Variants in GALNT13 observed in about 807,000 individuals in gnomAD.
The protein encoded by GALNT13 is UDP-GalNAc:polypeptide N-acetylgalactosaminyltransferase 13.
Under a neutral mutation model 64.2 loss-of-function variants are expected in GALNT13, and 28 were observed. The observed-to-expected ratio is 0.44, with a 90% CI of 0.32 to 0.60. The LOEUF (loss-of-function observed/expected upper bound fraction) is 0.60. Among genes scored for constraint, GALNT13 ranks in the 20% least tolerant of loss-of-function variants. The pLI is 0.05. For synonymous variants in GALNT13, 214 were observed against 224.6 expected, an observed-to-expected ratio of 0.95 and a Z score of 0.42; for missense variants, 577 against 669.8, an observed-to-expected ratio of 0.86 and a Z score of 1.53.
chr2:153,446,515 A>G, the GALNT13 span, among the ~76,000 whole-genome samples: 150 of 152,302 alleles, frequency 9.8e-4, 4 homozygotes, highest in East Asian at 0.026. Context: ...TACACTCTTA[A>G]CTACTGAAGT....
the GALNT13 span, among the ~76,000 whole-genome samples, chr2:153,534,575 A>G: frequency 7.1e-6 from 1 of 140,088 alleles, no homozygotes; most frequent in East Asian, 2.1e-4. Context: ...ACCTGGGTGC[A>G]GGCGGGCCAA....
chr2:153,794,761 C>T, the GALNT13 span, among the ~76,000 whole-genome samples: 1 of 152,162 alleles, frequency 6.6e-6, no homozygotes, highest in Non-Finnish European at 1.5e-5. Context: ...CATCGTGATC[C>T]ACCCGCCTTG....
the GALNT13 span, among the ~76,000 whole-genome samples, chr2:153,523,041 C>CTGTTTTTTTTTTTTTT: frequency 1.3e-5 from 1 of 74,770 alleles, no homozygotes; most frequent in African/African-American, 7.6e-5. Context: ...TCTGTGTTTA[C>CTGTTTTTTTTTTTTTT]TATTTTTTTT....
At chr2:153,185,494 A>G in the GALNT13 span, among the ~76,000 whole-genome samples, 1 of 152,028 alleles carries the variant, frequency 6.6e-6, no homozygotes, top group Non-Finnish European at 1.5e-5. Flanking sequence ...CTTGTCCTCT[A>G]CTAGCTTTGG....
intron 7 of GALNT13, among the ~76,000 whole-genome samples, chr2:154,258,727 C>T (rs376205665): frequency 6.6e-6 from 1 of 151,546 alleles, no homozygotes; most frequent in Non-Finnish European, 1.5e-5. Context: ...AACCTCTCTT[C>T]GCTATGATTT....
At chr2:153,498,709 C>A in the GALNT13 span, among the ~76,000 whole-genome samples, 1 of 152,212 alleles carries the variant, frequency 6.6e-6, no homozygotes, top group Non-Finnish European at 1.5e-5. Flanking sequence ...TCGGGGAACC[C>A]CTAGGTCTGC....
the GALNT13 span, among the ~76,000 whole-genome samples, chr2:153,799,316 T>G: frequency 6.6e-6 from 1 of 152,152 alleles, no homozygotes; most frequent in Non-Finnish European, 1.5e-5. Flanking sequence ...AGATCAGGGA[T>G]TCTTGGAACT....
the GALNT13 span, among the ~76,000 whole-genome samples, chr2:153,089,468 G>A: frequency 2.0e-5 from 3 of 152,042 alleles, no homozygotes; most frequent in Non-Finnish European, 4.4e-5. Context: ...AGATCTTTTT[G>A]TGATGAATTT....
At chr2:154,432,435 G>A (rs1194694960) in intron 11 of GALNT13, among the ~76,000 whole-genome samples, 1 of 152,160 alleles carries the variant, frequency 6.6e-6, no homozygotes, top group Non-Finnish European at 1.5e-5. Flanking sequence ...ACCAGCATGA[G>A]GAGGAAAAGG....
At chr2:154,048,461 T>G (rs1438891339) in intron 3 of GALNT13, among the ~76,000 whole-genome samples, 5 of 152,226 alleles carry the variant, frequency 3.3e-5, no homozygotes, top group African/African-American at 1.2e-4. Context: ...ATCTAAAATC[T>G]GCTTCTTACA....
the GALNT13 span, among the ~76,000 whole-genome samples, chr2:153,117,888 C>T: frequency 6.6e-6 from 1 of 152,060 alleles, no homozygotes; most frequent in East Asian, 1.9e-4. Flanking sequence ...CTTAAGCAGT[C>T]CCTCTGCCGT....
At chr2:154,310,448 A>T (rs895374105) in intron 9 of GALNT13, among the ~76,000 whole-genome samples, 1 of 152,162 alleles carries the variant, frequency 6.6e-6, no homozygotes, top group Non-Finnish European at 1.5e-5. Context: ...CATATATATA[A>T]AAAAACAGTA....
At chr2:153,599,298 T>A in the GALNT13 span, among the ~76,000 whole-genome samples, 1 of 152,084 alleles carries the variant, frequency 6.6e-6, no homozygotes, top group African/African-American at 2.4e-5. Flanking sequence ...ATGTTAGCTA[T>A]AGTTACCCTA....
chr2:153,412,618 C>T, the GALNT13 span, among the ~76,000 whole-genome samples: 5 of 152,200 alleles, frequency 3.3e-5, no homozygotes, highest in East Asian at 9.7e-4. Context: ...GATCCTGTTT[C>T]TCTCCTCTAC....
At chr2:154,258,200 A>G (rs1175361280) in intron 7 of GALNT13, among the ~76,000 whole-genome samples, 5 of 152,116 alleles carry the variant, frequency 3.3e-5, no homozygotes, top group Admixed American at 6.5e-5. Context: ...TGTGTAGCTC[A>G]CTCATTAACC....
At chr2:153,642,882 A>G in the GALNT13 span, among the ~76,000 whole-genome samples, 1 of 151,700 alleles carries the variant, frequency 6.6e-6, no homozygotes, top group South Asian at 2.1e-4. Context: ...AATAAAATTT[A>G]TTTATATTAG....
chr2:153,799,185 A>G, the GALNT13 span, among the ~76,000 whole-genome samples: 36 of 152,246 alleles, frequency 2.4e-4, no homozygotes, highest in Non-Finnish European at 4.6e-4. Flanking sequence ...TTTCCATTAA[A>G]ATTTAGTATT....
intron 3 of GALNT13, among the ~76,000 whole-genome samples, chr2:153,950,232 A>G (rs1169960674): frequency 1.3e-5 from 2 of 151,900 alleles, no homozygotes; most frequent in East Asian, 3.9e-4. Flanking sequence ...TATATATATC[A>G]AGTATATATA....
intron 9 of GALNT13, among the ~76,000 whole-genome samples, chr2:154,385,164 C>G (rs149010812): frequency 1.1e-4 from 16 of 151,990 alleles, no homozygotes; most frequent in African/African-American, 3.9e-4. Context: ...CTTCCTGCAG[C>G]ACTAGTGATG....
Sources: allele counts gnomAD v4.1 joint callset (sites outside exome capture counted in the v4.1 genomes callset), GRCh38; gene constraint gnomAD v4.1.1; transcripts MANE v1.5; gene names NCBI Gene and HGNC (gene_info 2026-07-23, HGNC 2026-07-21).